Variants in SLC22A16 observed in about 807,000 individuals in gnomAD.
SLC22A16 encodes the protein WUGSC:RG331P03.1.
In SLC22A16, 53 loss-of-function variants were observed where a neutral mutation model predicts 52.9. The ratio of observed to expected loss-of-function variants is 1.00; its 90% CI spans 0.80 to 1.26. The LOEUF (loss-of-function observed/expected upper bound fraction) is 1.26. Ranked by LOEUF, SLC22A16 falls within the 50% of genes most tolerant of loss-of-function variation. The pLI, the probability that SLC22A16 is intolerant of heterozygous loss-of-function variation, is 0.00. For synonymous variants in SLC22A16, 291 were observed against 268.8 expected, an observed-to-expected ratio of 1.08 and a Z score of -0.81; for missense variants, 726 against 704.0, an observed-to-expected ratio of 1.03 and a Z score of -0.35.
At chr6:110,468,231 T>C (rs1776137647) in intron 1 of SLC22A16, among the ~76,000 whole-genome samples, 2 of 152,214 alleles carry the variant, frequency 1.3e-5, no homozygotes, top group African/African-American at 4.8e-5. Context: ...TTCCTATTCT[T>C]AGGGTCTCTT....
intron 1 of SLC22A16, among the ~76,000 whole-genome samples, chr6:110,458,820 G>T (rs1451853396): frequency 6.6e-6 from 1 of 152,158 alleles, no homozygotes; most frequent in Non-Finnish European, 1.5e-5. Flanking sequence ...AAATATCAGA[G>T]CTCCTGGTTC....
At chr6:110,475,368 A>G (rs1776424605) in intron 1 of SLC22A16, among the ~76,000 whole-genome samples, 1 of 152,148 alleles carries the variant, frequency 6.6e-6, no homozygotes. Flanking sequence ...GATACTACCA[A>G]CCTTATAAGG....
chr6:110,450,194 G>T (rs1226377966), intron 2 of SLC22A16, among the ~76,000 whole-genome samples: 1 of 152,060 alleles, frequency 6.6e-6, no homozygotes, highest in Non-Finnish European at 1.5e-5. Context: ...AAAAGGAGGG[G>T]GGGGCACAAT....
chr6:110,471,229 C>A (rs758632182), intron 1 of SLC22A16, among the ~76,000 whole-genome samples: 9 of 152,178 alleles, frequency 5.9e-5, no homozygotes, highest in Non-Finnish European at 1.3e-4. Flanking sequence ...CAATTGCCTA[C>A]AGTATTCAGT....
At chr6:110,436,469 CA>C (rs1562279985) in intron 5 of SLC22A16, among the ~76,000 whole-genome samples, 1 of 151,972 alleles carries the variant, frequency 6.6e-6, no homozygotes, top group Non-Finnish European at 1.5e-5. Context: ...TACAGAAAAA[CA>C]AAAAAATTAG....
At chr6:110,433,140 G>A (rs1339937540) in intron 6 of SLC22A16, among the ~76,000 whole-genome samples, 1 of 152,158 alleles carries the variant, frequency 6.6e-6, no homozygotes, top group Non-Finnish European at 1.5e-5. Context: ...AAGTATGGAG[G>A]AAGAAGAAAA....
At chr6:110,466,918 TA>T (rs1776084985) in intron 1 of SLC22A16, among the ~76,000 whole-genome samples, 2 of 120,248 alleles carry the variant, frequency 1.7e-5, no homozygotes, top group Non-Finnish European at 3.5e-5. Context: ...ATGTGATAGA[TA>T]GATAGATAGA....
intron 5 of SLC22A16, 91 bp downstream of exon 5, chr6:110,438,629 A>G: frequency 1.5e-6 from 2 of 1,373,968 alleles, no homozygotes; most frequent in Non-Finnish European, 2.0e-6. Context: ...CATACTCTGA[A>G]TTGACCTTCA....
At chr6:110,468,773 G>A (rs1284167509) in intron 1 of SLC22A16, among the ~76,000 whole-genome samples, 1 of 152,166 alleles carries the variant, frequency 6.6e-6, no homozygotes, top group Non-Finnish European at 1.5e-5. Context: ...GGCCGGTGTT[G>A]CTCTTGCTCA....
chr6:110,438,447 C>T (rs781106750), intron 5 of SLC22A16, among the ~76,000 whole-genome samples: 11 of 152,204 alleles, frequency 7.2e-5, no homozygotes, highest in Admixed American at 1.3e-4. Context: ...TACCCTCAGC[C>T]TCTTGAGTTG....
chr6:110,464,254 C>A (rs1033914760), intron 1 of SLC22A16, among the ~76,000 whole-genome samples: 1 of 151,754 alleles, frequency 6.6e-6, no homozygotes, highest in Non-Finnish European at 1.5e-5. Context: ...AAGAACAAAC[C>A]AAACACAAAG....
chr6:110,432,958 C>T (rs1267497337), intron 6 of SLC22A16, among the ~76,000 whole-genome samples: 2 of 152,144 alleles, frequency 1.3e-5, no homozygotes, highest in African/African-American at 4.8e-5. Flanking sequence ...CAGATAGGGC[C>T]AAAAGATGTG....
At chr6:110,476,241 C>T in intron 1 of SLC22A16, 5 of 878,340 alleles carry the variant, frequency 5.7e-6, no homozygotes, top group South Asian at 1.9e-5. Flanking sequence ...GCATCTGCTG[C>T]CGCGGAGAGC....
intron 1 of SLC22A16, among the ~76,000 whole-genome samples, chr6:110,469,474 G>A (rs1480042140): frequency 6.6e-6 from 1 of 152,202 alleles, no homozygotes; most frequent in Non-Finnish European, 1.5e-5. Context: ...GCTGGAACCT[G>A]GAAGCATACG....
intron 1 of SLC22A16, among the ~76,000 whole-genome samples, chr6:110,458,587 T>A (rs1351497313): frequency 6.6e-6 from 1 of 152,158 alleles, no homozygotes; most frequent in East Asian, 1.9e-4. Context: ...CTTGACTGGG[T>A]TAAGGGAAGC....
chr6:110,447,527 A>G (rs948723239), intron 2 of SLC22A16, among the ~76,000 whole-genome samples: 2 of 152,248 alleles, frequency 1.3e-5, no homozygotes, highest in Non-Finnish European at 2.9e-5. Flanking sequence ...ATGCCATAAA[A>G]TTCAACCTTT....
chr6:110,466,911 TGATAGATAGATAGATAGATAGATA>T (rs3045569), intron 1 of SLC22A16, among the ~76,000 whole-genome samples: 58 of 140,666 alleles, frequency 4.1e-4, no homozygotes, highest in East Asian at 1.7e-3. Flanking sequence ...AAAGAAAATG[TGATAGATAGATAGATAGATAGATA>T]GATAGATAGA....
At position 110,424,995 on chromosome 6, in the gene SLC22A16, C is replaced by T. The variant is rs771811339; in HGVS notation, c.1612G>A (p.Glu538Lys). Residue 538 changes from glutamate to lysine, a missense_variant, in exon 8 of 8, where the codon GAG (glutamate) becomes AAG (lysine). Transcript: ENST00000368919. ...TTCTCTGACTCCAGTTTTGCAGCCT[C>T]CTCCCAAGTAGTTGCTAGCCGTTTC... ...LGKRLATTWE[E>K]AAKLESENES... is the part of the protein sequence containing the mutation. The T allele has an allele frequency of 5.0e-6, 8 of 1,614,156 alleles. No individual in the cohort carries two copies. The highest frequency in any genetic ancestry group is 5.1e-6 in the Non-Finnish European group (6 of 1,180,034).
At chr6:110,476,315 C>A (rs1776475052) in intron 1 of SLC22A16, 1 of 1,374,462 alleles carries the variant, frequency 7.3e-7, no homozygotes, top group East Asian at 2.8e-5. Flanking sequence ...CCTCTGCTCA[C>A]CATGCCAGGT....
Sources: allele counts gnomAD v4.1 joint callset (sites outside exome capture counted in the v4.1 genomes callset), GRCh38; gene constraint gnomAD v4.1.1; transcripts MANE v1.5; gene names NCBI Gene and HGNC (gene_info 2026-07-23, HGNC 2026-07-21).